The following PGLYRP2 variants were observed in gnomAD, a reference collection of about 807,000 sequenced individuals.
The protein encoded by PGLYRP2 is N-acetylmuramoyl-L-alanine amidase.
In PGLYRP2, 38 loss-of-function variants were observed where a neutral mutation model predicts 46.2. The ratio of observed to expected loss-of-function variants is 0.82; its 90% confidence interval spans 0.64 to 1.08. The LOEUF (loss-of-function observed/expected upper bound fraction) is 1.08, where lower values mean the gene tolerates loss of function less well. PGLYRP2 is among the 50% of genes least tolerant of loss of function. The pLI is 0.00. For missense variants in PGLYRP2, 713 were observed against 755.9 expected (o/e 0.94, Z 0.67); for synonymous variants, 289 against 329.4 (o/e 0.88, Z 1.33).
In PGLYRP2 at chr19:15,476,345, C is replaced by T. The variant is rs374903560; in HGVS notation, c.325G>A (p.Gly109Arg). 2 of 1,614,150 alleles carry T rather than the reference C, an allele frequency of 1.2e-6. No individual in the cohort carries two copies. The highest frequency in any genetic ancestry group is 1.7e-5 in the Admixed American group (1 of 60,010). The change falls in exon 2 of 5, where the codon GGG becomes AGG. Residue 109 changes from glycine to arginine, a missense_variant. Coordinates refer to ENST00000340880, the MANE Select transcript of PGLYRP2 (RefSeq NM_052890.4). ...RHDVREGKEY[G>R]VVLAPDGSTV... ...GAGCCATCAGGTGCCAGCACCACCCCATATTCCTTCCCTTCTCGTACGTCA... is the reference window on the plus strand; with the variant it reads ...GAGCCATCAGGTGCCAGCACCACCCTATATTCCTTCCCTTCTCGTACGTCA...
intron 3 of PGLYRP2, among the ~76,000 whole-genome samples, chr19:15,470,293 C>CTTCCTACCTTCT (rs769321802): frequency 9.8e-6 from 1 of 101,844 alleles, no homozygotes. Flanking sequence ...TCCTTCCTTC[C>CTTCCTACCTTCT]TTCTTTCTTT....
rs112653439 is a variant in PGLYRP2 at position 15,469,513 on chromosome 19, G to A, written c.1641+119C>T. The stretch of plus-strand genomic sequence containing the variant: ...TCCTGAATAGACGTGCCGCCGGGAA[G>A]TTGGGGGCCTGGCTGAGGCTGTGCG... On this transcript the variant is annotated intron_variant, in intron 4 of 4. Coordinates refer to ENST00000340880, the MANE Select transcript of PGLYRP2 (RefSeq NM_052890.4). This position sits in a 1 kb window ranked among gnomAD's most constrained non-coding sequence, Gnocchi z 4.9. The A allele has an allele frequency of 2.7e-5, 38 of 1,392,146 alleles. No individual in the cohort carries two copies. The African/African-American group carries it at 3.1e-4, about 11-fold the overall frequency. 86.2% of individuals were successfully genotyped at this position (1,392,146 alleles called of 1,614,324 possible). A position where few individuals can be genotyped will look rare whatever the true frequency, so the allele number is the denominator to read the frequency against.
intron 2 of PGLYRP2, among the ~76,000 whole-genome samples, chr19:15,474,069 C>T (rs1204454041): frequency 1.3e-5 from 2 of 152,184 alleles, no homozygotes; most frequent in East Asian, 3.8e-4. Context: ...CGGGTGATGG[C>T]TCACGACTGT....
chr19:15,469,667 A>G lies in PGLYRP2; in HGVS notation c.1606T>C (p.Phe536Leu). 1 of 1,552,990 alleles carries G rather than the reference A, an allele frequency of 6.4e-7. No individual in the cohort carries two copies. The highest frequency in any genetic ancestry group is 1.2e-5 in the South Asian group (1 of 84,234). Reference protein sequence around the residue: ...VRTDCPGDALFDLLRTWPHFT... With the variant: ...VRTDCPGDALLDLLRTWPHFT... ...TGCGGCCAGGTGCGCAGCAGGTCGA[A>G]GAGCGCGTCGCCGGGGCAGTCGGTG... Residue 536 changes from phenylalanine (F) to leucine (L), a missense_variant, in exon 4 of 5, where the codon TTC becomes CTC. By Grantham distance (22) the Phe-to-Leu change is conservative. Coordinates refer to ENST00000340880, the MANE Select transcript of PGLYRP2 (RefSeq NM_052890.4). The surrounding 1 kb of genome is among the most constrained non-coding windows in gnomAD (Gnocchi z 4.9).
rs1452174585 is a variant in PGLYRP2, at chr19:15,472,028, A to G, written c.1205T>C (p.Leu402Pro). Residue 402 changes from leucine to proline, a missense_variant, in exon 3 of 5, where the codon CTG becomes CCG. Transcript: ENST00000340880. ...ATGCACGTACAAGAATCCCAGCGGC[A>G]GCTGCAGCAGCTTCGGGCGGCCCCG... ...PYRGRPKLLQ[L>P]PLGFLYVHHT... The G allele has an allele frequency of 1.9e-6, 3 of 1,612,466 alleles. No individual in the cohort carries two copies. Among genetic ancestry groups the G allele is most frequent in the African/African-American group, 1.3e-5 (1 of 74,946 alleles).
At position 15,479,469 on chromosome 19, in the gene PGLYRP2, G is replaced by T. The variant is rs1355076773; in HGVS notation, c.-98C>A. On this transcript the variant is annotated 5_prime_UTR_variant, in exon 1 of 5. Transcript: ENST00000340880. ...AGACAGGCACAGAGAACTGAGCAGA[G>T]CCTTTGACCACTGTCAAAGTCCAGC... is the stretch of plus-strand genomic sequence containing the variant. The T allele has an allele frequency of 3.3e-6, 4 of 1,213,114 alleles. No homozygotes were observed. In the African/African-American group the frequency reaches 4.5e-5, roughly 14 times the overall value. The allele number at this position is 1,213,114 out of a possible 1,614,324, so 75.1% of individuals were successfully genotyped here. A position where few individuals can be genotyped will look rare whatever the true frequency, so the allele number is the denominator to read the frequency against.
chr19:15,476,957 A>G (rs1970803319), intron 1 of PGLYRP2, among the ~76,000 whole-genome samples: 1 of 152,162 alleles, frequency 6.6e-6, no homozygotes, highest in Non-Finnish European at 1.5e-5. Flanking sequence ...TGGAGGTGAG[A>G]GATGAAGGTG....
intron 2 of PGLYRP2, among the ~76,000 whole-genome samples, chr19:15,473,470 C>CAAAAAAA (rs56053684): frequency 1.4e-4 from 5 of 36,478 alleles, no homozygotes; most frequent in African/African-American, 2.0e-4. Context: ...AACTCTGTCT[C>CAAAAAAA]AAAAAAAAAA....
rs1970797814 is a variant in PGLYRP2 at position 15,476,442 on chromosome 19, G to A, written c.228C>T (p.Leu76=). ...GGCAGGGATCCAACTCTGTAGCATT[G>A]AGGCTCCATGCCCCCAGCAGGAAGT... is the stretch of plus-strand genomic sequence containing the variant. ...LYHFLLGAWS[L]NATELDPCPL... The change falls in exon 2 of 5, where the codon CTC becomes CTT. Residue 76 remains leucine, a synonymous_variant. Transcript: ENST00000340880. 3.7e-6 allele frequency: 6 copies of A among 1,614,148 alleles called. No homozygotes were observed. Among genetic ancestry groups the A allele is most frequent in the Non-Finnish European group, 5.1e-6 (6 of 1,180,024 alleles).
rs866046468 is a variant in PGLYRP2 at position 15,469,537 on chromosome 19, C to T, written c.1641+95G>A. 4 of 1,490,666 alleles carry T rather than the reference C, an allele frequency of 2.7e-6. No individual in the cohort carries two copies. The highest frequency in any genetic ancestry group is 1.2e-5 in the South Asian group (1 of 83,226). The allele number at this position is 1,490,666 out of a possible 1,614,324, so 92.3% of individuals were successfully genotyped here. ...AGTTGGGGGCCTGGCTGAGGCTGTG[C>T]GGGCACAGCTGTTACAGGCAGGGGG... is the stretch of plus-strand genomic sequence containing the variant. On this transcript the variant is annotated intron_variant, in intron 4 of 4. Transcript: ENST00000340880. The surrounding 1 kb of genome is among the most constrained non-coding windows in gnomAD (Gnocchi z 4.9).
At position 15,469,297 on chromosome 19, in the gene PGLYRP2, C is replaced by G. The variant is rs1170371427; in HGVS notation, c.1641+335G>C. The G allele has an allele frequency of 2.1e-5, 13 of 618,590 alleles. No homozygotes were observed. Among genetic ancestry groups the G allele is most frequent in the Non-Finnish European group, 3.2e-5 (11 of 342,436 alleles). 38.3% of individuals were successfully genotyped at this position (618,590 alleles called of 1,614,324 possible). A position where few individuals can be genotyped will look rare whatever the true frequency, so the allele number is the denominator to read the frequency against. On this transcript the variant is annotated intron_variant, in intron 4 of 4. Transcript: ENST00000340880. This position sits in a 1 kb window ranked among gnomAD's most constrained non-coding sequence, Gnocchi z 4.9. ...GGGTAGAGAAGTCATGAAGGCCAGGCTGAGGTTGTGAGGGCAGAGGGGCTG... is the reference window on the plus strand; with the variant it reads ...GGGTAGAGAAGTCATGAAGGCCAGGGTGAGGTTGTGAGGGCAGAGGGGCTG...
chr19:15,479,222 C>T, intron 1 of PGLYRP2, 89 bp downstream of exon 1: 1 of 1,390,690 alleles, frequency 7.2e-7, no homozygotes, highest in Non-Finnish European at 1.0e-6. Context: ...TCCAGCCTCA[C>T]TCCATGCAGG....
chr19:15,479,448 A>C lies in PGLYRP2; in HGVS notation c.-77T>G. ...AACCTCGGCAGTGCTGGAGGGAGAC[A>C]GGCACAGAGAACTGAGCAGAGCCTT... is the stretch of plus-strand genomic sequence containing the variant. On this transcript the variant is annotated 5_prime_UTR_variant, in exon 1 of 5. Coordinates refer to ENST00000340880, the MANE Select transcript of PGLYRP2 (RefSeq NM_052890.4). 7.1e-7 allele frequency: 1 copy of C among 1,401,380 alleles called. No individual in the cohort carries two copies. Among genetic ancestry groups the C allele is most frequent in the Non-Finnish European group, 1.0e-6 (1 of 1,003,184 alleles). The allele number at this position is 1,401,380 out of a possible 1,614,324, so 86.8% of individuals were successfully genotyped here. A position where few individuals can be genotyped will look rare whatever the true frequency, so the allele number is the denominator to read the frequency against.
intron 2 of PGLYRP2, among the ~76,000 whole-genome samples, chr19:15,473,860 A>G (rs371895463): frequency 2.8e-4 from 39 of 141,746 alleles, no homozygotes; most frequent in African/African-American, 1.2e-3. Context: ...AAGAAAGAAA[A>G]AGAAAGAAAG....
At position 15,472,062 on chromosome 19, in the gene PGLYRP2, C is replaced by T. The variant is rs1970755405; in HGVS notation, c.1171G>A (p.Ala391Thr). The part of the protein sequence containing the change: ...AIHPRCRWGA[A>T]PYRGRPKLLQ... The stretch of plus-strand genomic sequence containing the variant: ...AGCTTCGGGCGGCCCCGATAAGGCG[C>T]CGCTCCCCAGCGGCAGCGGGGGTGG... Residue 391 changes from alanine to threonine, a missense_variant, in exon 3 of 5, where the codon GCG becomes ACG. Ala to Thr is a moderately conservative substitution (Grantham distance 58). Coordinates refer to ENST00000340880, the MANE Select transcript of PGLYRP2 (RefSeq NM_052890.4). 4.4e-6 allele frequency: 7 copies of T among 1,607,686 alleles called. No homozygotes were observed. The highest frequency in any genetic ancestry group is 5.9e-6 in the Non-Finnish European group (7 of 1,179,848).
At chr19:15,473,822 G>A (rs1213291258) in intron 2 of PGLYRP2, among the ~76,000 whole-genome samples, 2 of 134,806 alleles carry the variant, frequency 1.5e-5, no homozygotes, top group Non-Finnish European at 1.6e-5. Context: ...AGAAAGAAAA[G>A]AAAGAAAGAA....
rs1032278131 is a variant in PGLYRP2, at chr19:15,469,042, A to C, written c.1642-290T>G. 1 of 514,284 alleles carries C rather than the reference A, an allele frequency of 1.9e-6. No homozygotes were observed. The highest frequency in any genetic ancestry group is 1.9e-5 in the African/African-American group (1 of 52,344). 31.9% of individuals were successfully genotyped at this position (514,284 alleles called of 1,614,324 possible). A position where few individuals can be genotyped will look rare whatever the true frequency, so the allele number is the denominator to read the frequency against. ...CAGGTCAAAGTTGTGCTGGCATAAG[A>C]GTTGTCATCAGGGGTTAAGGAGTCA... On this transcript the variant is annotated intron_variant, in intron 4 of 4. Coordinates refer to ENST00000340880, the MANE Select transcript of PGLYRP2 (RefSeq NM_052890.4). This position sits in a 1 kb window ranked among gnomAD's most constrained non-coding sequence, Gnocchi z 4.9.
intron 3 of PGLYRP2, among the ~76,000 whole-genome samples, chr19:15,471,421 G>GTT (rs143577855): frequency 9.9e-5 from 15 of 151,262 alleles, no homozygotes; most frequent in Admixed American, 5.3e-4. Context: ...GCCTTTTTAA[G>GTT]TTTTTTTTGT....
chr19:15,475,408 C>T, intron 2 of PGLYRP2, 130 bp downstream of exon 2: 2 of 881,094 alleles, frequency 2.3e-6, no homozygotes, highest in Non-Finnish European at 3.5e-6. Context: ...GCAGCTGTCC[C>T]ACCCACCCCC....
Sources: gnomAD v4.1 joint callset for allele counts (sites outside exome capture counted in the v4.1 genomes callset) on GRCh38, gnomAD v4.1.1 for gene constraint, Gnocchi (gnomAD v3.1) non-coding constraint, MANE v1.5 for transcripts, NCBI Gene and HGNC (gene_info 2026-07-23, HGNC 2026-07-21) for gene names.